The following EFHC2 variants were observed in gnomAD, a reference collection of about 807,000 sequenced individuals.
EFHC2 encodes the protein EF-hand domain-containing family member C2.
EFHC2 carries 18 observed loss-of-function variants against 52.7 expected under a neutral mutation model. The ratio of observed to expected loss-of-function variants is 0.34; its 90% confidence interval spans 0.24 to 0.51. EFHC2 has a LOEUF of 0.51. Ranked by LOEUF, EFHC2 falls within the 20% of genes least tolerant of loss-of-function variation. The pLI is 0.97. For missense variants in EFHC2, 513 were observed against 562.5 expected (o/e 0.91, Z 0.89); for synonymous variants, 203 against 204.1 (o/e 0.99, Z 0.04).
chrX:44,235,423 G>A lies in EFHC2; in HGVS notation c.1305C>T (p.Leu435=). 8.4e-7 allele frequency: 1 copy of A among 1,194,750 alleles called. No individual in the cohort carries two copies. Among genetic ancestry groups the A allele is most frequent in the East Asian group, 3.0e-5 (1 of 33,408 alleles). ...KDSYGSKSNI[L]RFFAKLVTDK... ...CTGTGACTAGTTTTGCAAAAAAACG[G>A]AGTATATTGCTTTTGGAGCCATAGC... Residue 435 remains leucine (L), a synonymous_variant, in exon 9 of 15, where the codon CTC becomes CTT. Coordinates refer to ENST00000420999, the MANE Select transcript of EFHC2 (RefSeq NM_025184.4).
At chrX:44,317,711 A>C (rs2037992274) in intron 1 of EFHC2, among the ~76,000 whole-genome samples, 1 of 113,375 alleles carries the variant, frequency 8.8e-6, no homozygotes, top group African/African-American at 3.2e-5. Context: ...GCTTGCGCTC[A>C]CGAGGCTGAG....
intron 11 of EFHC2, among the ~76,000 whole-genome samples, chrX:44,211,866 C>CA (rs1164155147): frequency 0.28 from 13,855 of 50,236 alleles, 1,553 homozygotes; most frequent in Non-Finnish European, 0.34. Flanking sequence ...GACTCCCTCT[C>CA]AAAAAAAAAA....
rs926038918 is a variant in EFHC2 at position 44,246,004 on chromosome X, G to T, written c.1111+2268C>A. The stretch of plus-strand genomic sequence containing the variant: ...AGTGGAGATACCCAGGTTTTCTACT[G>T]AACACAATTATTGACAAAGGAGGAA... On this transcript the variant is annotated intron_variant, in intron 7 of 14. Transcript: ENST00000420999. Among the ~76,000 whole-genome samples, 3 of 111,366 alleles carry T rather than the reference G, an allele frequency of 2.7e-5. No individual in the cohort carries two copies. In the Admixed American group the frequency reaches 2.9e-4, roughly 11 times the overall value.
At chrX:44,302,528 G>T (rs1054599575) in intron 2 of EFHC2, among the ~76,000 whole-genome samples, 8 of 112,301 alleles carry the variant, frequency 7.1e-5, no homozygotes, top group Non-Finnish European at 1.5e-4. Flanking sequence ...CAATGAAATT[G>T]GAAGCTTTAT....
intron 3 of EFHC2, among the ~76,000 whole-genome samples, chrX:44,269,210 A>G (rs889158455): frequency 1.8e-5 from 2 of 110,526 alleles, no homozygotes; most frequent in Non-Finnish European, 3.8e-5. Context: ...CTGAAAACAC[A>G]TCCTAAGTTT....
At chrX:44,215,645 CA>C (rs950294729) in intron 11 of EFHC2, among the ~76,000 whole-genome samples, 1 of 109,979 alleles carries the variant, frequency 9.1e-6, no homozygotes, top group African/African-American at 3.3e-5. Context: ...AACTGTACAC[CA>C]AAAAAGTGAA....
chrX:44,216,777 C>T (rs1019368342), intron 11 of EFHC2, among the ~76,000 whole-genome samples: 2 of 111,716 alleles, frequency 1.8e-5, no homozygotes, highest in African/African-American at 6.5e-5. Context: ...TACAAGAAAA[C>T]ATTGGGAAAC....
chrX:44,342,356 T>C (rs1183614390), intron 1 of EFHC2, among the ~76,000 whole-genome samples: 1 of 112,278 alleles, frequency 8.9e-6, no homozygotes, highest in African/African-American at 3.2e-5. Context: ...GTTTACACAA[T>C]TGCCTTGAGT....
At chrX:44,225,841 G>T (rs2037228816) in intron 11 of EFHC2, 2 of 111,640 alleles carry the variant, frequency 1.8e-5, no homozygotes, top group Admixed American at 9.5e-5. Context: ...GTAAGAGCCA[G>T]ATGGCCCTTC....
intron 8 of EFHC2, among the ~76,000 whole-genome samples, chrX:44,235,788 G>A (rs759206600): frequency 8.9e-6 from 1 of 112,432 alleles, no homozygotes; most frequent in South Asian, 3.7e-4. Context: ...ATGCTGGAAA[G>A]AAGAGCAAGC....
chrX:44,301,071 C>G lies in EFHC2; in HGVS notation c.231+11497G>C, dbSNP rs1414672415. Among the ~76,000 whole-genome samples the G allele has an allele frequency of 3.9e-5, 4 of 101,832 alleles. No homozygotes were observed. The Admixed American group carries it at 4.4e-4, about 11-fold the overall frequency. 88.4% of individuals were successfully genotyped at this position (101,832 alleles called of 115,157 possible). ...GTTGCAGTGAGCCAAGATCACGCCA[C>G]TGCACTCCAGCATGGGTGATAGAGT... On this transcript the variant is annotated intron_variant, in intron 2 of 14. Transcript: ENST00000420999.
intron 13 of EFHC2, among the ~76,000 whole-genome samples, chrX:44,168,025 A>C (rs2036710619): frequency 8.9e-6 from 1 of 111,860 alleles, no homozygotes; most frequent in African/African-American, 3.3e-5. Flanking sequence ...AACTCTTTTC[A>C]AGATGAAAAG....
intron 13 of EFHC2, among the ~76,000 whole-genome samples, chrX:44,175,308 C>T (rs942875946): frequency 6.3e-5 from 7 of 111,312 alleles, no homozygotes; most frequent in African/African-American, 2.0e-4. Flanking sequence ...GTGGTGGCAC[C>T]GCAGTATTTA....
At chrX:44,256,146 T>A (rs1047820632) in intron 4 of EFHC2, among the ~76,000 whole-genome samples, 2 of 111,661 alleles carry the variant, frequency 1.8e-5, no homozygotes, top group Non-Finnish European at 3.8e-5. Flanking sequence ...CAAATTTATA[T>A]ATTTAGTGCT....
At chrX:44,318,217 A>G (rs1360691405) in intron 1 of EFHC2, among the ~76,000 whole-genome samples, 1 of 112,624 alleles carries the variant, frequency 8.9e-6, no homozygotes, top group East Asian at 2.8e-4. Context: ...AAGCACTGAT[A>G]TCGTGCTACC....
chrX:44,248,236 T>C, intron 7 of EFHC2, 36 bp downstream of exon 7: 13 of 1,078,678 alleles, frequency 1.2e-5, no homozygotes, highest in Non-Finnish European at 1.6e-5. Flanking sequence ...CAATTTAATT[T>C]TAAAAATATT....
chrX:44,198,737 G>C (rs2036984277), intron 11 of EFHC2, among the ~76,000 whole-genome samples: 1 of 111,274 alleles, frequency 9.0e-6, no homozygotes, highest in Admixed American at 9.6e-5. Flanking sequence ...TAGCAGGTAA[G>C]AGCTTAGATT....
intron 2 of EFHC2, among the ~76,000 whole-genome samples, chrX:44,311,724 G>A (rs954796134): frequency 8.9e-6 from 1 of 111,922 alleles, no homozygotes; most frequent in African/African-American, 3.2e-5. Context: ...GTCTAATAAT[G>A]GCATCACTTC....
intron 1 of EFHC2, among the ~76,000 whole-genome samples, chrX:44,338,626 C>T (rs1460119362): frequency 4.6e-5 from 5 of 108,854 alleles, no homozygotes; most frequent in Non-Finnish European, 9.5e-5. Flanking sequence ...CAAGCACACA[C>T]AGGAAGGACA....
Sources: gnomAD v4.1 joint callset for allele counts (sites outside exome capture counted in the v4.1 genomes callset) on GRCh38, gnomAD v4.1.1 for gene constraint, MANE v1.5 for transcripts, NCBI Gene and HGNC (gene_info 2026-07-23, HGNC 2026-07-21) for gene names.